Variants in DGCR8 observed in about 807,000 individuals in gnomAD.
DGCR8 encodes microprocessor complex subunit DGCR8.
A neutral mutation model predicts 78.5 loss-of-function variants in DGCR8; 14 were observed. The observed-to-expected ratio is 0.18, with a 90% CI of 0.12 to 0.28. The LOEUF is 0.28. DGCR8 is among the 10% of genes least tolerant of loss of function. The pLI, the probability that DGCR8 is intolerant of heterozygous loss-of-function variation, is 1.00. For synonymous variants in DGCR8, 399 were observed against 402.4 expected (o/e 0.99, Z 0.10); for missense variants, 702 against 1,022.5 (o/e 0.69, Z 4.28).
chr22:20,080,362 G>A lies in DGCR8; in HGVS notation c.-299G>A. 3 of 979,012 alleles carry A rather than the reference G, an allele frequency of 3.1e-6. No homozygotes were observed. Among genetic ancestry groups the A allele is most frequent in the Non-Finnish European group, 3.6e-6 (3 of 827,538 alleles). The allele number at this position is 979,012 out of a possible 1,614,324, so 60.6% of individuals were successfully genotyped here. The stretch of plus-strand genomic sequence containing the variant: ...GCTGTGGTTTGGCTGCGGGCGGCTT[G>A]GGCAGCCCGCGGGCGCCTCAGGTAG... On this transcript the variant is annotated 5_prime_UTR_variant, in exon 1 of 14. Coordinates refer to ENST00000351989, the MANE Select transcript of DGCR8 (RefSeq NM_022720.7).
At position 20,085,763 on chromosome 22, in the gene DGCR8, G is replaced by C; in HGVS notation, c.-201G>C. 7.0e-7 allele frequency: 1 copy of C among 1,424,532 alleles called. No individual in the cohort carries two copies. The highest frequency in any genetic ancestry group is 9.1e-7 in the Non-Finnish European group (1 of 1,095,956). 88.2% of individuals were successfully genotyped at this position (1,424,532 alleles called of 1,614,324 possible). A position where few individuals can be genotyped will look rare whatever the true frequency, so the allele number is the denominator to read the frequency against. On this transcript the variant is annotated 5_prime_UTR_variant, in exon 2 of 14. The change abolishes the stop of an existing upstream ORF in the 5' untranslated region. Transcript: ENST00000351989. This position sits in a 1 kb window ranked among gnomAD's most constrained non-coding sequence, Gnocchi z 6.2. ...CAGTCACTTAAGCTGAGTGCATTGT[G>C]ATTTCCAATAATTGAGGCAGTGGTT...
intron 13 of DGCR8, 142 bp downstream of exon 13, chr22:20,109,145 T>G (rs549021509): frequency 3.4e-6 from 2 of 580,506 alleles, no homozygotes; most frequent in African/African-American, 3.7e-5. Flanking sequence ...GATACAGGCT[T>G]TTCTTTGAGC....
intron 12 of DGCR8, chr22:20,108,513 T>C: frequency 4.6e-6 from 1 of 217,170 alleles, no homozygotes; most frequent in Non-Finnish European, 9.4e-6. Context: ...CTGAGGCTGA[T>C]GGGCTGGGCT....
Position 20,111,579 on chromosome 22 carries a change from C to T in DGCR8, c.*1471C>T, listed in dbSNP as rs946398527. ...GACTGTGACTGTTGCCCTTAGCCAG[C>T]CAGATGCGCCTGTGAACCAAAGCTT... On this transcript the variant is annotated 3_prime_UTR_variant, in exon 14 of 14. Transcript: ENST00000351989. 3 of 397,050 alleles carry T rather than the reference C, an allele frequency of 7.6e-6. No homozygotes were observed. The highest frequency in any genetic ancestry group is 4.1e-5 in the African/African-American group (2 of 48,584). 24.6% of individuals were successfully genotyped at this position (397,050 alleles called of 1,614,324 possible). A position where few individuals can be genotyped will look rare whatever the true frequency, so the allele number is the denominator to read the frequency against.
intron 5 of DGCR8, among the ~76,000 whole-genome samples, chr22:20,091,088 G>A (rs933781721): frequency 6.6e-5 from 10 of 152,248 alleles, no homozygotes; most frequent in African/African-American, 2.2e-4. Context: ...GGTGGCGGGC[G>A]CATGGAGCCC....
In DGCR8 at chr22:20,094,705, T is replaced by C. The variant is rs181244011; in HGVS notation, c.1706-8T>C. On this transcript the variant is annotated splice_region_variant and splice_polypyrimidine_tract_variant and intron_variant, in intron 8 of 13. Transcript: ENST00000351989. ...CAAGCCTCACCCTCGGGCTCTTTTT[T>C]TTCATAGCCCGAGCTACACTGGAAA... 6.2e-7 allele frequency: 1 copy of C among 1,613,682 alleles called. No homozygotes were observed. The highest frequency in any genetic ancestry group is 2.2e-5 in the East Asian group (1 of 44,844).
In DGCR8 at chr22:20,110,157, G is replaced by A. The variant is rs546867888; in HGVS notation, c.*49G>A. 1.3e-5 allele frequency: 21 copies of A among 1,569,714 alleles called. No homozygotes were observed. The highest frequency in any genetic ancestry group is 1.6e-5 in the Non-Finnish European group (19 of 1,152,948). On this transcript the variant is annotated 3_prime_UTR_variant, in exon 14 of 14. Coordinates refer to ENST00000351989, the MANE Select transcript of DGCR8 (RefSeq NM_022720.7). Reference sequence around the variant, plus strand: ...CGGGGGCCGCCAGCCGCACTTCTGAGGAGACCAGCAGTCATGCATCGTGCA... The same window carrying A: ...CGGGGGCCGCCAGCCGCACTTCTGAAGAGACCAGCAGTCATGCATCGTGCA...
chr22:20,109,938 C>T (rs2049815511), intron 13 of DGCR8, 87 bp from the exon 14 acceptor site: 2 of 1,327,058 alleles, frequency 1.5e-6, no homozygotes, highest in Non-Finnish European at 2.1e-6. Flanking sequence ...CTGGCATGAT[C>T]TGCTGGGCTC....
At chr22:20,088,025 G>A (rs1004053072) in intron 3 of DGCR8, among the ~76,000 whole-genome samples, 1 of 152,124 alleles carries the variant, frequency 6.6e-6, no homozygotes, top group Non-Finnish European at 1.5e-5. Flanking sequence ...CTGAAGAGAT[G>A]CACGGGGACT....
intron 5 of DGCR8, among the ~76,000 whole-genome samples, chr22:20,090,742 C>T (rs903092831): frequency 6.6e-6 from 1 of 152,220 alleles, no homozygotes; most frequent in Non-Finnish European, 1.5e-5. Flanking sequence ...ATTCTCTCTT[C>T]CATGTCTTTT....
Position 20,080,399 on chromosome 22 carries a change from G to A in DGCR8, c.-278+16G>A, listed in dbSNP as rs2049403255. On this transcript the variant is annotated intron_variant, in intron 1 of 13. Transcript: ENST00000351989. Reference sequence around the variant, plus strand: ...GGCGCCTCAGGTAGGTGCGGGGCGCGAGGGGCGCCCGCGGGCGGTTGGGCG... The same window carrying A: ...GGCGCCTCAGGTAGGTGCGGGGCGCAAGGGGCGCCCGCGGGCGGTTGGGCG... The A allele has an allele frequency of 3.6e-6, 3 of 831,226 alleles. No homozygotes were observed. In the South Asian group the frequency reaches 1.8e-4, roughly 51 times the overall value. 51.5% of individuals were successfully genotyped at this position (831,226 alleles called of 1,614,324 possible).
At position 20,090,103 on chromosome 22, in the gene DGCR8, G is replaced by C; in HGVS notation, c.1151G>C (p.Arg384Pro). 6.2e-7 allele frequency: 1 copy of C among 1,614,220 alleles called. No individual in the cohort carries two copies. Among genetic ancestry groups the C allele is most frequent in the Non-Finnish European group, 8.5e-7 (1 of 1,180,042 alleles). The change falls in exon 5 of 14, where the codon CGA becomes CCA. Residue 384 changes from arginine to proline, a missense_variant. Transcript: ENST00000351989. The part of the protein sequence containing the change: ...GDVSPVKPLS[R>P]SAELEFPLDE... Reference sequence around the variant, plus strand: ...GTGTCCCCCGTCAAGCCCCTGAGCCGATCTGCAGAGCTGGAGTTTCCCCTG... The same window carrying C: ...GTGTCCCCCGTCAAGCCCCTGAGCCCATCTGCAGAGCTGGAGTTTCCCCTG...
chr22:20,107,172 C>A, intron 11 of DGCR8, 99 bp from the exon 12 acceptor site: 1 of 1,411,164 alleles, frequency 7.1e-7, no homozygotes, highest in Non-Finnish European at 1.0e-6. Flanking sequence ...CCCTGGCTGG[C>A]CCTCGGGGTG....
In DGCR8 at chr22:20,089,463, C is replaced by T. The variant is rs1297410189; in HGVS notation, c.881-206C>T. Among the ~76,000 whole-genome samples, 1 of 152,174 alleles carries T rather than the reference C, an allele frequency of 6.6e-6. No individual in the cohort carries two copies. The highest frequency in any genetic ancestry group is 1.9e-4 in the East Asian group (1 of 5,194). On this transcript the variant is annotated intron_variant, in intron 3 of 13. Coordinates refer to ENST00000351989, the MANE Select transcript of DGCR8 (RefSeq NM_022720.7). The surrounding 1 kb of genome is among the most constrained non-coding windows in gnomAD (Gnocchi z 4.9). ...TGCTCCTTCATGTGCTGGTTTGACA[C>T]GTGTAAATTCCCACCTCAGGCCACA...
At chr22:20,091,404 G>GT (rs768471115) in intron 5 of DGCR8, 31 bp from the exon 6 acceptor site, 1 of 1,611,944 alleles carries the variant, frequency 6.2e-7, no homozygotes, top group African/African-American at 1.3e-5. Flanking sequence ...TGGAAGTTAA[G>GT]TAATTTGTTT....
At chr22:20,095,442 G>A (rs1445625351) in intron 9 of DGCR8, among the ~76,000 whole-genome samples, 4 of 152,066 alleles carry the variant, frequency 2.6e-5, no homozygotes, top group African/African-American at 4.8e-5. Context: ...CTTGAGTAAC[G>A]TGGAAGTTAG....
At chr22:20,101,930 G>A (rs949106550) in intron 9 of DGCR8, 9 of 985,272 alleles carry the variant, frequency 9.1e-6, no homozygotes, top group African/African-American at 7.0e-5. Flanking sequence ...GTGGCCACGC[G>A]TGTATGCTAC....
intron 9 of DGCR8, chr22:20,101,105 G>A: frequency 2.7e-6 from 2 of 746,574 alleles, no homozygotes; most frequent in Non-Finnish European, 3.3e-6. Context: ...GCTCTGTGGT[G>A]GGGTCGTTTT....
chr22:20,090,979 T>G (rs771295793), intron 5 of DGCR8, among the ~76,000 whole-genome samples: 46 of 152,084 alleles, frequency 3.0e-4, no homozygotes, highest in Non-Finnish European at 1.8e-4. Context: ...GGAGGAAATG[T>G]GACAAATGCG....
Sources: allele counts gnomAD v4.1 joint callset (sites outside exome capture counted in the v4.1 genomes callset), GRCh38; gene constraint gnomAD v4.1.1; non-coding constraint Gnocchi (gnomAD v3.1); transcripts MANE v1.5; gene names NCBI Gene and HGNC (gene_info 2026-07-23, HGNC 2026-07-21).